Variants in LMBRD1 observed in about 807,000 individuals in gnomAD.
The protein encoded by LMBRD1 is lysosomal cobalamin transport escort protein LMBD1.
A neutral mutation model predicts 74.8 loss-of-function variants in LMBRD1; 64 were observed. That is an observed-to-expected ratio of 0.86 (90% CI 0.70 to 1.05). LMBRD1 has a LOEUF of 1.05. LMBRD1 is among the 50% of genes least tolerant of loss of function. The pLI is 0.00. For synonymous variants in LMBRD1, 204 were observed against 216.3 expected (o/e 0.94, Z 0.50); for missense variants, 652 against 645.9 (o/e 1.01, Z -0.10).
chr6:69,772,940 A>C (rs917786168), intron 3 of LMBRD1, among the ~76,000 whole-genome samples: 2 of 152,184 alleles, frequency 1.3e-5, no homozygotes, highest in African/African-American at 4.8e-5. Context: ...AATAACACCT[A>C]TTTAGCACTA....
chr6:69,787,649 G>A (rs1765985983), intron 2 of LMBRD1, among the ~76,000 whole-genome samples: 1 of 152,132 alleles, frequency 6.6e-6, no homozygotes, highest in South Asian at 2.1e-4. Context: ...AGGAAGCTCT[G>A]GCAGAAGAAT....
chr6:69,766,002 G>A (rs979587422), intron 3 of LMBRD1, among the ~76,000 whole-genome samples: 1 of 151,808 alleles, frequency 6.6e-6, no homozygotes, highest in African/African-American at 2.4e-5. Flanking sequence ...TAGGTTCCCT[G>A]AAATTTTCTA....
chr6:69,713,493 CA>C, intron 9 of LMBRD1, 151 bp downstream of exon 9: 1 of 725,148 alleles, frequency 1.4e-6, no homozygotes, highest in South Asian at 1.9e-5. Flanking sequence ...CCCAAACTAC[CA>C]AAGAGAGCTG....
At chr6:69,760,738 C>T (rs1049499742) in intron 3 of LMBRD1, among the ~76,000 whole-genome samples, 1 of 152,122 alleles carries the variant, frequency 6.6e-6, no homozygotes, top group African/African-American at 2.4e-5. Context: ...TCTGAGATTA[C>T]GTGACAAAAA....
At chr6:69,710,120 T>C (rs1766351803) in intron 9 of LMBRD1, among the ~76,000 whole-genome samples, 1 of 152,180 alleles carries the variant, frequency 6.6e-6, no homozygotes, top group South Asian at 2.1e-4. Context: ...TGGCAGATTA[T>C]AAAGCTCTAT....
intron 1 of LMBRD1, among the ~76,000 whole-genome samples, chr6:69,794,957 C>T (rs1766179195): frequency 6.6e-6 from 1 of 152,186 alleles, no homozygotes; most frequent in African/African-American, 2.4e-5. Flanking sequence ...CAGATTCCAC[C>T]TTGCAGCTGA....
intron 7 of LMBRD1, among the ~76,000 whole-genome samples, chr6:69,720,173 C>T (rs1766582386): frequency 6.6e-6 from 1 of 150,804 alleles, no homozygotes; most frequent in South Asian, 2.1e-4. Context: ...AACAAATCAG[C>T]TTTTTTTTTA....
At chr6:69,695,712 T>G (rs781061766) in intron 14 of LMBRD1, among the ~76,000 whole-genome samples, 1 of 152,206 alleles carries the variant, frequency 6.6e-6, no homozygotes, top group Non-Finnish European at 1.5e-5. Flanking sequence ...GCTGAATCCA[T>G]GGATCTGGAA....
chr6:69,717,612 T>C (rs1238818418), intron 8 of LMBRD1, among the ~76,000 whole-genome samples: 1 of 152,358 alleles, frequency 6.6e-6, no homozygotes, highest in South Asian at 2.1e-4. Flanking sequence ...TGATGTATCA[T>C]GTTTGCATTT....
intron 14 of LMBRD1, among the ~76,000 whole-genome samples, chr6:69,677,666 C>G (rs980559717): frequency 3.4e-4 from 52 of 152,204 alleles, no homozygotes; most frequent in Admixed American, 1.4e-3. Context: ...ATTCTCACGG[C>G]AGCTCAAGCT....
Position 69,675,817 on chromosome 6 carries a change from G to A in LMBRD1, c.*341C>T, listed in dbSNP as rs9185. On this transcript the variant is annotated 3_prime_UTR_variant, in exon 16 of 16. Transcript: ENST00000649934. ...CTGGAGAACCTAAGGCACAGATACA[G>A]ATGATTTATTATGTTTTCAAAAAGT... 150,192 of 269,806 alleles carry A rather than the reference G, an allele frequency of 0.56. 42,775 individuals are homozygous for A. The highest frequency in any genetic ancestry group is 0.74 in the East Asian group (8,032 of 10,890). The allele number at this position is 269,806 out of a possible 1,614,324, so 16.7% of individuals were successfully genotyped here. A position where few individuals can be genotyped will look rare whatever the true frequency, so the allele number is the denominator to read the frequency against.
intron 9 of LMBRD1, among the ~76,000 whole-genome samples, chr6:69,703,212 G>T (rs1349933072): frequency 6.6e-6 from 1 of 152,006 alleles, no homozygotes; most frequent in South Asian, 2.1e-4. Context: ...TTAGTAGAGG[G>T]TATAAAGGAG....
At chr6:69,680,157 A>G (rs1373228725) in intron 14 of LMBRD1, among the ~76,000 whole-genome samples, 50 of 152,244 alleles carry the variant, frequency 3.3e-4, no homozygotes, top group Non-Finnish European at 2.2e-4. Context: ...TGTTTCAAAA[A>G]TGAAGAGCAG....
In LMBRD1 at chr6:69,676,080, C is replaced by T; in HGVS notation, c.*78G>A. The T allele has an allele frequency of 8.6e-7, 1 of 1,163,970 alleles. No individual in the cohort carries two copies. The highest frequency in any genetic ancestry group is 1.3e-6 in the Non-Finnish European group (1 of 782,226). 72.1% of individuals were successfully genotyped at this position (1,163,970 alleles called of 1,614,324 possible). On this transcript the variant is annotated 3_prime_UTR_variant, in exon 16 of 16. Transcript: ENST00000649934. ...TTTTGATGAAAGCTAGTTAGCAAAT[C>T]CTAATGTTAGTTTAATACTTTAAAA... is the stretch of plus-strand genomic sequence containing the variant.
chr6:69,736,153 T>C (rs1230689837), intron 7 of LMBRD1, among the ~76,000 whole-genome samples: 1 of 152,144 alleles, frequency 6.6e-6, no homozygotes, highest in East Asian at 1.9e-4. Context: ...TCCACGCATC[T>C]TTCATTTCTG....
At chr6:69,721,166 T>C (rs75155888) in intron 7 of LMBRD1, among the ~76,000 whole-genome samples, 3 of 152,260 alleles carry the variant, frequency 2.0e-5, no homozygotes, top group Non-Finnish European at 4.4e-5. Context: ...AAAGGCAGTC[T>C]AGGAAACAAG....
Position 69,700,857 on chromosome 6 carries a change from C to A in LMBRD1, c.1096G>T (p.Asp366Tyr), listed in dbSNP as rs998823802. 17 of 1,407,982 alleles carry A rather than the reference C, an allele frequency of 1.2e-5. No individual in the cohort carries two copies. Among genetic ancestry groups the A allele is most frequent in the Non-Finnish European group, 1.6e-5 (16 of 1,031,380 alleles). The allele number at this position is 1,407,982 out of a possible 1,614,324, so 87.2% of individuals were successfully genotyped here. A position where few individuals can be genotyped will look rare whatever the true frequency, so the allele number is the denominator to read the frequency against. The change falls in exon 12 of 16, where the codon GAT (aspartate) becomes TAT (tyrosine). Residue 366 changes from aspartate to tyrosine, a missense_variant. Physicochemically the swap from Asp to Tyr is radical, Grantham distance 160. Transcript: ENST00000649934. ...LPLLQTVFPL[D>Y]YILITIIIMY... ...ATAATAATTGTTATAAGAATATAAT[C>A]AAGAGGGAAAACCTGAAAAAAAAAG...
intron 15 of LMBRD1, 21 bp downstream of exon 15, chr6:69,676,429 G>A (rs376913611): frequency 4.9e-5 from 79 of 1,598,364 alleles, no homozygotes; most frequent in Middle Eastern, 1.7e-4. Context: ...GTCAAATCAC[G>A]CGTGGGATAT....
chr6:69,793,013 A>T (rs943229646), intron 1 of LMBRD1, among the ~76,000 whole-genome samples: 2 of 152,240 alleles, frequency 1.3e-5, no homozygotes, highest in African/African-American at 4.8e-5. Flanking sequence ...AAATAAAACC[A>T]AGTATCCTCG....
Sources: gnomAD v4.1 joint callset for allele counts (sites outside exome capture counted in the v4.1 genomes callset) on GRCh38, gnomAD v4.1.1 for gene constraint, MANE v1.5 for transcripts, NCBI Gene and HGNC (gene_info 2026-07-23, HGNC 2026-07-21) for gene names.